MCEE: variants seen among roughly 807,000 people sequenced by gnomAD.
MCEE encodes methylmalonyl-CoA epimerase, mitochondrial.
A neutral mutation model predicts 12.9 loss-of-function variants in MCEE; 6 were observed. That is an observed-to-expected ratio of 0.47 (90% CI 0.26 to 0.92). MCEE has a LOEUF of 0.92. Ranked by LOEUF, MCEE falls within the 40% of genes least tolerant of loss-of-function variation. The probability of loss-of-function intolerance (pLI) is 0.16; values close to 1 mark genes in which losing one functional copy is unlikely to be tolerated. For missense variants in MCEE, 214 were observed against 212.1 expected, an observed-to-expected ratio of 1.01 and a Z score of -0.05; for synonymous variants, 78 against 77.9, an observed-to-expected ratio of 1.00 and a Z score of -0.01.
intron 2 of MCEE, among the ~76,000 whole-genome samples, chr2:71,117,206 G>A (rs1673012021): frequency 6.6e-6 from 1 of 150,538 alleles, no homozygotes; most frequent in Non-Finnish European, 1.5e-5. Context: ...GCTAAAAGCT[G>A]AGTGAATTAT....
chr2:71,123,347 C>G (rs544460205), intron 2 of MCEE, among the ~76,000 whole-genome samples: 1 of 152,046 alleles, frequency 6.6e-6, no homozygotes, highest in Admixed American at 6.6e-5. Context: ...CACAATTAGC[C>G]GGGCATGGTG....
intron 2 of MCEE, among the ~76,000 whole-genome samples, chr2:71,122,355 A>C (rs1225147760): frequency 3.9e-5 from 6 of 152,184 alleles, no homozygotes; most frequent in East Asian, 1.9e-4. Flanking sequence ...GGCTGGTCTC[A>C]AACTCCTGGG....
chr2:71,126,641 T>G (rs1397704046), intron 1 of MCEE, among the ~76,000 whole-genome samples: 1 of 140,484 alleles, frequency 7.1e-6, no homozygotes, highest in South Asian at 2.4e-4. Flanking sequence ...CCAAGCAAAC[T>G]GGGTAGAGAA....
chr2:71,114,368 T>C (rs1227149582), intron 2 of MCEE, among the ~76,000 whole-genome samples: 1 of 151,594 alleles, frequency 6.6e-6, no homozygotes, highest in Non-Finnish European at 1.5e-5. Context: ...AAAAATGTGA[T>C]GTGAAATCCT....
At chr2:71,129,505 A>AAAG (rs1278603634) in intron 1 of MCEE, among the ~76,000 whole-genome samples, 3 of 151,874 alleles carry the variant, frequency 2.0e-5, no homozygotes, top group Non-Finnish European at 4.4e-5. Context: ...AGAAAAAAAA[A>AAAG]AAGGATAAAA....
chr2:71,115,501 G>A (rs1672973377), intron 2 of MCEE, among the ~76,000 whole-genome samples: 2 of 143,010 alleles, frequency 1.4e-5, no homozygotes, highest in Admixed American at 1.3e-4. Context: ...TTCTGTTAGT[G>A]TTGCTATACA....
intron 2 of MCEE, among the ~76,000 whole-genome samples, chr2:71,116,484 G>A (rs1672999283): frequency 6.7e-6 from 1 of 148,444 alleles, no homozygotes; most frequent in African/African-American, 2.6e-5. Flanking sequence ...CCCTTCACCT[G>A]CAAATTAAGA....
chr2:71,125,404 G>A (rs755565804), intron 1 of MCEE, among the ~76,000 whole-genome samples: 2 of 150,564 alleles, frequency 1.3e-5, no homozygotes, highest in Non-Finnish European at 3.0e-5. Flanking sequence ...ATGGGGTTTC[G>A]CCTCATTGGC....
In MCEE at chr2:71,124,120, A is replaced by G. The variant is rs1372995640; in HGVS notation, c.378+86T>C. The G allele has an allele frequency of 2.5e-5, 25 of 992,114 alleles. No homozygotes were observed. The Admixed American group carries it at 5.2e-4, about 21-fold the overall frequency. 61.5% of individuals were successfully genotyped at this position (992,114 alleles called of 1,614,324 possible). ...AAGAACTTTACAAAAGTTTCTAATG[A>G]CAGTGACCATAAATAGACTTAAAAA... On this transcript the variant is annotated intron_variant, in intron 2 of 2. Transcript: ENST00000244217.
At chr2:71,125,458 C>T (rs969843891) in intron 1 of MCEE, among the ~76,000 whole-genome samples, 2 of 151,596 alleles carry the variant, frequency 1.3e-5, no homozygotes, top group East Asian at 1.9e-4. Flanking sequence ...CCACCCACCT[C>T]GGCCTCCCAA....
chr2:71,126,508 G>A lies in MCEE; in HGVS notation c.41-1965C>T, dbSNP rs532307306. Among the ~76,000 whole-genome samples the A allele has an allele frequency of 2.8e-5, 4 of 143,496 alleles. No individual in the cohort carries two copies. The East Asian group carries it at 8.6e-4, about 31-fold the overall frequency. 94.1% of individuals were successfully genotyped at this position (143,496 alleles called of 152,430 possible). A position where few individuals can be genotyped will look rare whatever the true frequency, so the allele number is the denominator to read the frequency against. Reference sequence around the variant, plus strand: ...CCCAAAGTGCCGGGATCACAGGCATGAGCTACTGTGCCCAGCCTAAACTGT... The same window carrying A: ...CCCAAAGTGCCGGGATCACAGGCATAAGCTACTGTGCCCAGCCTAAACTGT... On this transcript the variant is annotated intron_variant, in intron 1 of 2. Transcript: ENST00000244217.
Position 71,124,299 on chromosome 2 carries a change from C to T in MCEE, c.285G>A (p.Lys95=), listed in dbSNP as rs753384165. ...SVVFVNLGNT[K]MELLHPLGRD... ...GTCCCAATGGATGAAGCAGTTCCAT[C>T]TTGGTATTTCCCAGGTTGACAAAAA... Residue 95 remains lysine (K), a synonymous_variant, in exon 2 of 3, where the codon AAG becomes AAA. Transcript: ENST00000244217. The T allele has an allele frequency of 1.9e-6, 3 of 1,614,190 alleles. No homozygotes were observed. In the East Asian group the frequency reaches 6.7e-5, roughly 36 times the overall value.
chr2:71,121,487 CCTAA>C (rs1418737523), intron 2 of MCEE, among the ~76,000 whole-genome samples: 1 of 152,188 alleles, frequency 6.6e-6, no homozygotes, highest in African/African-American at 2.4e-5. Context: ...TAAAATAGCA[CCTAA>C]CTAACCACTG....
intron 2 of MCEE, chr2:71,118,333 T>C (rs1322752227): frequency 6.6e-6 from 1 of 150,706 alleles, no homozygotes; most frequent in Non-Finnish European, 1.5e-5. Flanking sequence ...CTCCCCACAG[T>C]GTCGGTGCCC....
At chr2:71,113,253 A>G (rs1249626916) in intron 2 of MCEE, among the ~76,000 whole-genome samples, 1 of 152,218 alleles carries the variant, frequency 6.6e-6, no homozygotes, top group Non-Finnish European at 1.5e-5. Flanking sequence ...CATGAATTCT[A>G]TAATATAGTT....
intron 1 of MCEE, among the ~76,000 whole-genome samples, chr2:71,129,321 T>C (rs1207455380): frequency 6.6e-6 from 1 of 152,152 alleles, no homozygotes; most frequent in Non-Finnish European, 1.5e-5. Context: ...GTTCCTATCT[T>C]GTGTATCACC....
intron 2 of MCEE, among the ~76,000 whole-genome samples, chr2:71,121,696 G>A (rs59572620): frequency 4.3e-4 from 65 of 150,964 alleles, no homozygotes; most frequent in Middle Eastern, 3.4e-3. Flanking sequence ...TGTGGGAGAG[G>A]GGGGAGTGGA....
At chr2:71,123,723 G>T (rs1203360130) in intron 2 of MCEE, among the ~76,000 whole-genome samples, 1 of 152,130 alleles carries the variant, frequency 6.6e-6, no homozygotes, top group African/African-American at 2.4e-5. Flanking sequence ...CAATTCAGAA[G>T]ATCTTAAAAA....
At chr2:71,125,155 TTGTG>T (rs1366763573) in intron 1 of MCEE, among the ~76,000 whole-genome samples, 5 of 138,330 alleles carry the variant, frequency 3.6e-5, no homozygotes, top group African/African-American at 1.0e-4. Context: ...CCCAGCTAAT[TTGTG>T]TGTGTGTGTA....
Sources: gnomAD v4.1 joint callset for allele counts (sites outside exome capture counted in the v4.1 genomes callset) on GRCh38, gnomAD v4.1.1 for gene constraint, MANE v1.5 for transcripts, NCBI Gene and HGNC (gene_info 2026-07-23, HGNC 2026-07-21) for gene names.